NEURL2: variants seen among roughly 807,000 people sequenced by gnomAD.
NEURL2 encodes neuralized-like protein 2.
A neutral mutation model predicts 15.9 loss-of-function variants in NEURL2; 16 were observed. That is an observed-to-expected ratio of 1.01 (90% confidence interval 0.68 to 1.53). NEURL2 has a LOEUF of 1.53. Among genes scored for constraint, NEURL2 ranks in the 40% most tolerant of loss-of-function variants. The pLI, the probability that NEURL2 is intolerant of heterozygous loss-of-function variation, is 0.00. For missense variants in NEURL2, 393 were observed against 407.8 expected (o/e 0.96, Z 0.31); for synonymous variants, 188 against 178.3 (o/e 1.05, Z -0.43).
In NEURL2 at chr20:45,890,392, G is replaced by A. The variant is rs1471076595; in HGVS notation, c.600C>T (p.Gly200=). The A allele has an allele frequency of 1.2e-6, 2 of 1,612,614 alleles. No homozygotes were observed. Among genetic ancestry groups the A allele is most frequent in the Non-Finnish European group, 1.7e-6 (2 of 1,179,818 alleles). The change falls in exon 1 of 2, where the codon GGC becomes GGT. Residue 200 remains glycine (G), a synonymous_variant. Coordinates refer to ENST00000372518, the MANE Select transcript of NEURL2 (RefSeq NM_080749.4). ...LGVLFCPRPD[G]TADMHIIING... ...TGATGATGATGTGCATGTCGGCCGT[G>A]CCATCGGGGCGCGGGCAAAAGAGGA...
rs192192930 is a variant in NEURL2, at chr20:45,889,677, G to C, written c.742+573C>G. The stretch of plus-strand genomic sequence containing the variant: ...TGCCTAGGCTGGAGTGCACTGGTGA[G>C]ATCTCGGCTCATTGCAACCTCCACC... On this transcript the variant is annotated intron_variant, in intron 1 of 1. Transcript: ENST00000372518. 1.3e-3 allele frequency among the ~76,000 whole-genome samples: 201 copies of C among 149,814 alleles called. 3 individuals carry two copies. Among genetic ancestry groups the C allele is most frequent in the Admixed American group, 9.7e-3 (146 of 15,058 alleles).
In NEURL2 at chr20:45,890,177, A is replaced by G. The variant is rs977210117; in HGVS notation, c.742+73T>C. On this transcript the variant is annotated intron_variant, in intron 1 of 1. Transcript: ENST00000372518. ...TGCCGGACAGACGAAGGCCTAGCAC[A>G]TGGGCTACGGAGCCCTAGTAGATTC... The G allele has an allele frequency of 3.2e-6, 5 of 1,552,084 alleles. No individual in the cohort carries two copies. The Admixed American group carries it at 5.0e-5, about 16-fold the overall frequency.
chr20:45,890,421 C>A lies in NEURL2; in HGVS notation c.571G>T (p.Gly191Cys). The stretch of plus-strand genomic sequence containing the variant: ...TCGGGGCGCGGGCAAAAGAGGACAC[C>A]CAGGCGGCTACGGCGCGCGGTCGGA... Reference protein sequence around the residue: ...LPPTARRSRLGVLFCPRPDGT... With the variant: ...LPPTARRSRLCVLFCPRPDGT... Residue 191 changes from glycine (G) to cysteine (C), a missense_variant, in exon 1 of 2, where the codon GGT becomes TGT. Coordinates refer to ENST00000372518, the MANE Select transcript of NEURL2 (RefSeq NM_080749.4). 12 of 1,611,346 alleles carry A rather than the reference C, an allele frequency of 7.4e-6. No homozygotes were observed. The highest frequency in any genetic ancestry group is 1.0e-5 in the Non-Finnish European group (12 of 1,179,002).
At position 45,890,957 on chromosome 20, in the gene NEURL2, G is replaced by A; in HGVS notation, c.35C>T (p.Ala12Val). The A allele has an allele frequency of 2.0e-6, 3 of 1,508,428 alleles. No homozygotes were observed. The highest frequency in any genetic ancestry group is 1.3e-5 in the South Asian group (1 of 77,332). The allele number at this position is 1,508,428 out of a possible 1,614,324, so 93.4% of individuals were successfully genotyped here. ...AAASEPVDSGALWGLERPEPP... is the reference protein window; with the variant it reads ...AAASEPVDSGVLWGLERPEPP... ...CTCCGGGCGCTCGAGTCCCCAGAGTGCACCCGAATCCACGGGCTCGGAGGC... is the reference window on the plus strand; with the variant it reads ...CTCCGGGCGCTCGAGTCCCCAGAGTACACCCGAATCCACGGGCTCGGAGGC... Residue 12 changes from alanine (A) to valine (V), a missense_variant, in exon 1 of 2, where the codon GCA (alanine) becomes GTA (valine). Ala to Val is a moderately conservative substitution (Grantham distance 64). Transcript: ENST00000372518.
chr20:45,890,335 T>C lies in NEURL2; in HGVS notation c.657A>G (p.Gly219=). ...NGEDMGPSAR[G]LPAAQPLYAV... is the part of the protein sequence containing the mutation. ...CGTAGAGGGGCTGCGCAGCTGGCAGTCCCCGGGCGCTCGGGCCCATGTCCT... is the reference window on the plus strand; with the variant it reads ...CGTAGAGGGGCTGCGCAGCTGGCAGCCCCCGGGCGCTCGGGCCCATGTCCT... Residue 219 remains glycine (G), a synonymous_variant, in exon 1 of 2, where the codon GGA becomes GGG. Coordinates refer to ENST00000372518, the MANE Select transcript of NEURL2 (RefSeq NM_080749.4). The C allele has an allele frequency of 6.2e-7, 1 of 1,613,116 alleles. No homozygotes were observed. Among genetic ancestry groups the C allele is most frequent in the Non-Finnish European group, 8.5e-7 (1 of 1,180,030 alleles).
Position 45,891,140 on chromosome 20 carries a change from C to T in NEURL2, c.-149G>A, listed in dbSNP as rs1279656521. On this transcript the variant is annotated 5_prime_UTR_variant, in exon 1 of 2. Transcript: ENST00000372518. The surrounding 1 kb of genome is among the most constrained non-coding windows in gnomAD (Gnocchi z 4.6). ...GGGGGTCCTAGCGCCGCTTTCTCAG[C>T]CATCCCGCCTACAACTTAGCCGTCC... 2.0e-6 allele frequency: 2 copies of T among 1,023,914 alleles called. No homozygotes were observed. The highest frequency in any genetic ancestry group is 2.8e-6 in the Non-Finnish European group (2 of 705,464). 63.4% of individuals were successfully genotyped at this position (1,023,914 alleles called of 1,614,324 possible).
chr20:45,890,157 G>T, intron 1 of NEURL2, 93 bp downstream of exon 1: 1 of 1,402,292 alleles, frequency 7.1e-7, no homozygotes, highest in Non-Finnish European at 1.0e-6. Context: ...ACTAGTGCCG[G>T]ACAGACGAAG....
Position 45,890,515 on chromosome 20 carries a change from C to G in NEURL2, c.477G>C (p.Leu159=). 1.2e-6 allele frequency: 2 copies of G among 1,600,664 alleles called. No homozygotes were observed. The highest frequency in any genetic ancestry group is 1.7e-6 in the Non-Finnish European group (2 of 1,172,816). Residue 159 remains leucine, a synonymous_variant, in exon 1 of 2, where the codon CTG becomes CTC. Coordinates refer to ENST00000372518, the MANE Select transcript of NEURL2 (RefSeq NM_080749.4). ...IEQFRIPRDR[L]VGRSRPGLYS... ...AGAGCCCTGGCCGGCTGCGGCCCAC[C>G]AGGCGGTCCCGGGGAATGCGAAACT...
In NEURL2 at chr20:45,888,777, T is replaced by C. The variant is rs755709691; in HGVS notation, c.839A>G (p.Asp280Gly). The C allele has an allele frequency of 6.2e-7, 1 of 1,614,080 alleles. No individual in the cohort carries two copies. Among genetic ancestry groups the C allele is most frequent in the Non-Finnish European group, 8.5e-7 (1 of 1,180,024 alleles). ...DGLHLPKELK[D>G]FCKYE ...GGGTCTTCACTCATACTTGCAGAAA[T>C]CCTTAAGTTCTTTGGGCAGGTGGAG... Residue 280 changes from aspartate (D) to glycine (G), a missense_variant, in exon 2 of 2, where the codon GAT (aspartate) becomes GGT (glycine). Coordinates refer to ENST00000372518, the MANE Select transcript of NEURL2 (RefSeq NM_080749.4).
intron 1 of NEURL2, 57 bp from the exon 2 acceptor site, chr20:45,888,930 G>C (rs1379909134): frequency 1.2e-6 from 2 of 1,605,186 alleles, no homozygotes; most frequent in Admixed American, 3.4e-5. Context: ...CTGAGGCCAA[G>C]ATCCAGAAGG....
At position 45,890,588 on chromosome 20, in the gene NEURL2, G is replaced by A; in HGVS notation, c.404C>T (p.Pro135Leu). The change falls in exon 1 of 2, where the codon CCC becomes CTC. Residue 135 changes from proline to leucine, a missense_variant. Transcript: ENST00000372518. ...EGRPEAEAAA[P>L]SRPPTLLVEP... ...CACGAGGAGGGTTGGAGGTCGGCTG[G>A]GGGCCGCTGCCTCCGCCTCCGGGCG... The A allele has an allele frequency of 6.2e-7, 1 of 1,612,428 alleles. No individual in the cohort carries two copies.
At position 45,890,652 on chromosome 20, in the gene NEURL2, C is replaced by T; in HGVS notation, c.340G>A (p.Ala114Thr). ...ACGCGGTTGTGGTGGCGCGTGATGG[C>T]GAAGACCCAGGTGTGGCCCAGGTTG... Reference protein sequence around the residue: ...LVNLGHTWVFAITRHHNRVPR... With the variant: ...LVNLGHTWVFTITRHHNRVPR... Residue 114 changes from alanine to threonine, a missense_variant, in exon 1 of 2, where the codon GCC (alanine) becomes ACC (threonine). Coordinates refer to ENST00000372518, the MANE Select transcript of NEURL2 (RefSeq NM_080749.4). 2 of 1,613,418 alleles carry T rather than the reference C, an allele frequency of 1.2e-6. No homozygotes were observed. The highest frequency in any genetic ancestry group is 2.7e-5 in the African/African-American group (2 of 75,046).
Position 45,890,839 on chromosome 20 carries a change from G to A in NEURL2, c.153C>T (p.His51=), listed in dbSNP as rs1266690049. The A allele has an allele frequency of 1.9e-6, 3 of 1,568,522 alleles. No individual in the cohort carries two copies. The highest frequency in any genetic ancestry group is 1.4e-5 in the African/African-American group (1 of 73,650). Residue 51 remains histidine, a synonymous_variant, in exon 1 of 2, where the codon CAC becomes CAT. Transcript: ENST00000372518. ...GCGGCTCGCGGCTGAAGCACACGCC[G>A]TGGGCGAAGCTCTCCACGCGTGTGG... is the stretch of plus-strand genomic sequence containing the variant. ...TRATRVESFA[H]GVCFSREPLA...
Position 45,891,161 on chromosome 20 carries a change from C to A in NEURL2, c.-170G>T. 2 of 996,078 alleles carry A rather than the reference C, an allele frequency of 2.0e-6. No individual in the cohort carries two copies. Among genetic ancestry groups the A allele is most frequent in the Non-Finnish European group, 1.5e-6 (1 of 671,370 alleles). The allele number at this position is 996,078 out of a possible 1,614,324, so 61.7% of individuals were successfully genotyped here. On this transcript the variant is annotated 5_prime_UTR_variant, in exon 1 of 2. Transcript: ENST00000372518. This position sits in a 1 kb window ranked among gnomAD's most constrained non-coding sequence, Gnocchi z 4.6. The stretch of plus-strand genomic sequence containing the variant: ...TCAGCCATCCCGCCTACAACTTAGC[C>A]GTCCACAACAGGATCATCTGATCGC...
At position 45,890,962 on chromosome 20, in the gene NEURL2, C is replaced by A. The variant is rs571518624; in HGVS notation, c.30G>T (p.Ser10=). ...GGCGCTCGAGTCCCCAGAGTGCACC[C>A]GAATCCACGGGCTCGGAGGCAGCAG... The part of the protein sequence containing the change: MAAASEPVD[S]GALWGLERPE... Residue 10 remains serine (S), a synonymous_variant, in exon 1 of 2, where the codon TCG becomes TCT. Coordinates refer to ENST00000372518, the MANE Select transcript of NEURL2 (RefSeq NM_080749.4). 167 of 1,502,560 alleles carry A rather than the reference C, an allele frequency of 1.1e-4. 1 individual carries two copies. In the South Asian group the frequency reaches 2.2e-3, roughly 20 times the overall value. The allele number at this position is 1,502,560 out of a possible 1,614,324, so 93.1% of individuals were successfully genotyped here. A position where few individuals can be genotyped will look rare whatever the true frequency, so the allele number is the denominator to read the frequency against.
rs766414314 is a variant in NEURL2 at position 45,890,532 on chromosome 20, T to A, written c.460A>T (p.Ile154Phe). The change falls in exon 1 of 2, where the codon ATT becomes TTT. Residue 154 changes from isoleucine to phenylalanine, a missense_variant. Physicochemically the swap from Ile to Phe is conservative, Grantham distance 21. Coordinates refer to ENST00000372518, the MANE Select transcript of NEURL2 (RefSeq NM_080749.4). ...CGGCCCACCAGGCGGTCCCGGGGAATGCGAAACTGCTCAATGCGCAGATAT... is the reference window on the plus strand; with the variant it reads ...CGGCCCACCAGGCGGTCCCGGGGAAAGCGAAACTGCTCAATGCGCAGATAT... ...EPYLRIEQFR[I>F]PRDRLVGRSR... The A allele has an allele frequency of 6.2e-7, 1 of 1,607,442 alleles. No homozygotes were observed. The highest frequency in any genetic ancestry group is 8.5e-7 in the Non-Finnish European group (1 of 1,176,592).
rs764746127 is a variant in NEURL2 at position 45,890,634 on chromosome 20, TGTGGTGGCGC to T, written c.348_357del (p.Arg117ThrfsTer59). On this transcript the variant is annotated frameshift_variant, in exon 1 of 2. Transcript: ENST00000372518. LOFTEE classifies it high-confidence loss of function. ...GGGCGGCCCTCCCGGGGCACGCGGTTGTGGTGGCGCGTGATGGCGAAGACCCAGGTGTGGC... is the reference window on the plus strand; with the variant it reads ...GGGCGGCCCTCCCGGGGCACGCGGTTGTGATGGCGAAGACCCAGGTGTGGC... 3 of 1,613,016 alleles carry T rather than the reference TGTGGTGGCGC, an allele frequency of 1.9e-6. No individual in the cohort carries two copies. Among genetic ancestry groups the T allele is most frequent in the Non-Finnish European group, 1.7e-6 (2 of 1,179,696 alleles).
Position 45,888,929 on chromosome 20 carries a change from A to G in NEURL2, c.743-56T>C, listed in dbSNP as rs114064692. 2.1e-3 allele frequency: 3,439 copies of G among 1,606,188 alleles called. 69 individuals are homozygous for G. The African/African-American group carries it at 0.041, about 19-fold the overall frequency. On this transcript the variant is annotated intron_variant, in intron 1 of 1. Transcript: ENST00000372518. ...GAACTGGAGGGTGGGTCTGAGGCCA[A>G]GATCCAGAAGGTCTAGGTCATGGTC...
Position 45,891,115 on chromosome 20 carries a change from G to T in NEURL2, c.-124C>A. The T allele has an allele frequency of 8.8e-7, 1 of 1,138,864 alleles. No individual in the cohort carries two copies. The highest frequency in any genetic ancestry group is 1.2e-6 in the Non-Finnish European group (1 of 815,592). 70.5% of individuals were successfully genotyped at this position (1,138,864 alleles called of 1,614,324 possible). On this transcript the variant is annotated 5_prime_UTR_variant, in exon 1 of 2. Coordinates refer to ENST00000372518, the MANE Select transcript of NEURL2 (RefSeq NM_080749.4). This position sits in a 1 kb window ranked among gnomAD's most constrained non-coding sequence, Gnocchi z 4.6. ...GACTCCCTTCCCCGAGCCTCTGCCCGGGGGTCCTAGCGCCGCTTTCTCAGC... is the reference window on the plus strand; with the variant it reads ...GACTCCCTTCCCCGAGCCTCTGCCCTGGGGTCCTAGCGCCGCTTTCTCAGC...
Sources: gnomAD v4.1 joint callset for allele counts (sites outside exome capture counted in the v4.1 genomes callset) on GRCh38, gnomAD v4.1.1 for gene constraint, Gnocchi (gnomAD v3.1) non-coding constraint, MANE v1.5 for transcripts, NCBI Gene and HGNC (gene_info 2026-07-23, HGNC 2026-07-21) for gene names.